Variants in TMC1 observed in about 807,000 individuals in gnomAD.
TMC1 encodes transmembrane channel like 1.
In TMC1, 84 loss-of-function variants were observed where a neutral mutation model predicts 105.8. The ratio of observed to expected loss-of-function variants is 0.79; its 90% CI spans 0.67 to 0.95. The LOEUF (loss-of-function observed/expected upper bound fraction) is 0.95. Ranked by LOEUF, TMC1 falls within the 40% of genes least tolerant of loss-of-function variation. TMC1 has a pLI of 0.00. For missense variants in TMC1, 817 were observed against 914.1 expected (o/e 0.89, Z 1.37); for synonymous variants, 315 against 311.5 (o/e 1.01, Z -0.12).
chr9:72,543,204 T>C (rs1054843499), intron 1 of TMC1, among the ~76,000 whole-genome samples: 9 of 152,202 alleles, frequency 5.9e-5, no homozygotes, highest in Non-Finnish European at 1.0e-4. Flanking sequence ...ACTAATTGTT[T>C]AAGCCAGAAA....
chr9:72,715,407 A>G (rs556050877), intron 8 of TMC1, among the ~76,000 whole-genome samples: 3 of 152,188 alleles, frequency 2.0e-5, no homozygotes, highest in Middle Eastern at 3.4e-3. Context: ...CCAATCAAAC[A>G]TAGATTTGGT....
chr9:72,731,177 G>T (rs1366840945), intron 8 of TMC1, among the ~76,000 whole-genome samples: 1 of 152,194 alleles, frequency 6.6e-6, no homozygotes, highest in Non-Finnish European at 1.5e-5. Context: ...CATTCAATTA[G>T]CATATGTTGA....
chr9:72,574,797 A>G (rs1399586336), intron 1 of TMC1, among the ~76,000 whole-genome samples: 2 of 152,188 alleles, frequency 1.3e-5, no homozygotes, highest in African/African-American at 4.8e-5. Context: ...CTGACCATAC[A>G]TTCCTACTAG....
At chr9:72,539,510 G>GT (rs35594490) in intron 1 of TMC1, among the ~76,000 whole-genome samples, 62,353 of 151,442 alleles carry the variant, frequency 0.41, 12,986 homozygotes, top group African/African-American at 0.46. Flanking sequence ...ACACAGCCAA[G>GT]TTTTTTTTTC....
At chr9:72,572,684 C>G (rs1418432097) in intron 1 of TMC1, among the ~76,000 whole-genome samples, 2 of 152,064 alleles carry the variant, frequency 1.3e-5, no homozygotes, top group Non-Finnish European at 2.9e-5. Flanking sequence ...AAAACTTACT[C>G]TTTTTTAAAT....
At chr9:72,619,995 C>T (rs1231317619) in intron 3 of TMC1, among the ~76,000 whole-genome samples, 1 of 151,736 alleles carries the variant, frequency 6.6e-6, no homozygotes, top group Non-Finnish European at 1.5e-5. Flanking sequence ...CCACCATGCC[C>T]AGCTAATGTT....
In TMC1 at chr9:72,722,589, G is replaced by A. The variant is rs1195962951; in HGVS notation, c.363-17530G>A. Among the ~76,000 whole-genome samples the A allele has an allele frequency of 3.3e-5, 5 of 152,142 alleles. No homozygotes were observed. In the South Asian group the frequency reaches 1.0e-3, roughly 32 times the overall value. On this transcript the variant is annotated intron_variant, in intron 8 of 23. Transcript: ENST00000297784. Reference sequence around the variant, plus strand: ...CAGAAGAGATTTTGAGCTCCTCAGGGCACGAAACGTATCACATAGCTCTTT... The same window carrying A: ...CAGAAGAGATTTTGAGCTCCTCAGGACACGAAACGTATCACATAGCTCTTT...
intron 20 of TMC1, among the ~76,000 whole-genome samples, chr9:72,824,731 G>GGTATATGT (rs1233495344): frequency 6.6e-6 from 1 of 152,218 alleles, no homozygotes; most frequent in Non-Finnish European, 1.5e-5. Flanking sequence ...CGACAGTATA[G>GGTATATGT]AAACCCAACT....
chr9:72,663,558 G>A (rs994769688), intron 5 of TMC1, among the ~76,000 whole-genome samples: 7 of 152,218 alleles, frequency 4.6e-5, no homozygotes, highest in African/African-American at 1.7e-4. Context: ...AATGGACAAG[G>A]GCAGCTTGGA....
intron 2 of TMC1, among the ~76,000 whole-genome samples, chr9:72,588,041 A>G (rs547925040): frequency 1.3e-5 from 2 of 152,042 alleles, no homozygotes; most frequent in African/African-American, 2.4e-5. Flanking sequence ...CATCCTCCTC[A>G]GCCTTCCAAA....
chr9:72,679,738 C>T (rs1354984411), intron 5 of TMC1, among the ~76,000 whole-genome samples: 1 of 152,072 alleles, frequency 6.6e-6, no homozygotes, highest in Admixed American at 6.6e-5. Context: ...CATGACCTAA[C>T]AATACCATTG....
intron 2 of TMC1, among the ~76,000 whole-genome samples, chr9:72,588,958 C>T (rs1824594800): frequency 6.6e-6 from 1 of 151,946 alleles, no homozygotes; most frequent in Admixed American, 6.6e-5. Context: ...TTAGTAGAGA[C>T]AGGGTTTCTC....
intron 23 of TMC1, among the ~76,000 whole-genome samples, chr9:72,831,946 T>C (rs1829049218): frequency 6.6e-6 from 1 of 151,764 alleles, no homozygotes; most frequent in South Asian, 2.1e-4. Context: ...CCTTTGGGTA[T>C]ATACCCAAAG....
chr9:72,672,865 T>TACACACAC (rs1564482069), intron 5 of TMC1, among the ~76,000 whole-genome samples: 2 of 135,166 alleles, frequency 1.5e-5, no homozygotes, highest in African/African-American at 5.8e-5. Flanking sequence ...CACACACACG[T>TACACACAC]GTATATATAT....
intron 8 of TMC1, among the ~76,000 whole-genome samples, chr9:72,708,561 C>A (rs926303027): frequency 6.7e-6 from 1 of 150,184 alleles, no homozygotes; most frequent in African/African-American, 2.5e-5. Flanking sequence ...TGATTTGATT[C>A]TCAGCTTGGT....
In TMC1 at chr9:72,820,578, A is replaced by G. The variant is rs184730891; in HGVS notation, c.1764-264A>G. ...CTGTTGTAGTTTAAATTCACTAATG[A>G]TAGTAGGTATAGTTAGTTACAGCAT... On this transcript the variant is annotated intron_variant, in intron 19 of 23. Coordinates refer to ENST00000297784, the MANE Select transcript of TMC1 (RefSeq NM_138691.3). 4.2e-4 allele frequency among the ~76,000 whole-genome samples: 64 copies of G among 152,356 alleles called. 2 individuals carry two copies. The East Asian group carries it at 0.011, about 26-fold the overall frequency.
chr9:72,695,217 G>A (rs1826529468), intron 7 of TMC1, among the ~76,000 whole-genome samples: 1 of 152,090 alleles, frequency 6.6e-6, no homozygotes, highest in Admixed American at 6.6e-5. Context: ...TAACTATTTG[G>A]CCCTTTATAG....
At chr9:72,567,044 A>G (rs984869584) in intron 1 of TMC1, among the ~76,000 whole-genome samples, 4 of 152,026 alleles carry the variant, frequency 2.6e-5, no homozygotes, top group Admixed American at 2.6e-4. Flanking sequence ...GTTCCTTTAT[A>G]ATTTTTCTGC....
intron 11 of TMC1, among the ~76,000 whole-genome samples, chr9:72,753,978 C>T (rs1035840302): frequency 6.6e-6 from 1 of 152,152 alleles, no homozygotes; most frequent in Non-Finnish European, 1.5e-5. Flanking sequence ...AGGGAGTGAG[C>T]AGAGATTGAT....
Sources: gnomAD v4.1 joint callset for allele counts (sites outside exome capture counted in the v4.1 genomes callset) on GRCh38, gnomAD v4.1.1 for gene constraint, MANE v1.5 for transcripts, NCBI Gene and HGNC (gene_info 2026-07-23, HGNC 2026-07-21) for gene names.